CAMK1D: variants seen among roughly 807,000 people sequenced by gnomAD.
The protein encoded by CAMK1D is calcium/calmodulin-dependent protein kinase type 1D.
A neutral mutation model predicts 47.7 loss-of-function variants in CAMK1D; 9 were observed. That is an observed-to-expected ratio of 0.19 (90% CI 0.11 to 0.33). CAMK1D has a LOEUF of 0.33. CAMK1D is among the 10% of genes least tolerant of loss of function. The probability of loss-of-function intolerance (pLI) is 1.00; values close to 1 mark genes in which losing one functional copy is unlikely to be tolerated. For synonymous variants in CAMK1D, 184 were observed against 184.9 expected (o/e 0.99, Z 0.04); for missense variants, 291 against 488.7 (o/e 0.60, Z 3.81).
intron 1 of CAMK1D, among the ~76,000 whole-genome samples, chr10:12,463,097 A>G (rs1257126097): frequency 1.3e-5 from 2 of 148,730 alleles, no homozygotes; most frequent in African/African-American, 5.0e-5. Context: ...CTTATTTCCT[A>G]TTTGGCTTAG....
chr10:12,353,998 C>A (rs1837423945), intron 1 of CAMK1D, among the ~76,000 whole-genome samples: 2 of 152,072 alleles, frequency 1.3e-5, no homozygotes, highest in Non-Finnish European at 2.9e-5. Context: ...GGTGTGGTGT[C>A]TAGGAAGCAC....
At chr10:12,356,721 CAAAAAAAAAAAAAAA>C (rs71384311) in intron 1 of CAMK1D, among the ~76,000 whole-genome samples, 1 of 74,974 alleles carries the variant, frequency 1.3e-5, no homozygotes, top group Non-Finnish European at 2.6e-5. Flanking sequence ...GACTCCATTT[CAAAAAAAAAAAAAAA>C]AAAAAAAGAA....
intron 3 of CAMK1D, among the ~76,000 whole-genome samples, chr10:12,739,442 ATTTT>A (rs1186963710): frequency 2.3e-5 from 3 of 127,750 alleles, no homozygotes; most frequent in African/African-American, 6.0e-5. Context: ...CACCCGGCTA[ATTTT>A]TTTTTTTTTT....
chr10:12,816,316 C>G lies in CAMK1D; in HGVS notation c.821C>G (p.Ala274Gly). 1 of 1,613,322 alleles carries G rather than the reference C, an allele frequency of 6.2e-7. No individual in the cohort carries two copies. The highest frequency in any genetic ancestry group is 8.5e-7 in the Non-Finnish European group (1 of 1,179,578). Residue 274 changes from alanine to glycine, a missense_variant, in exon 8 of 11, where the codon GCT becomes GGT. Physicochemically the swap from Ala to Gly is moderately conservative, Grantham distance 60 (BLOSUM62 0). Transcript: ENST00000619168. The part of the protein sequence containing the change: ...PNKRYTCEQA[A>G]RHPWIAGDTA... ...AAAAGATACACGTGTGAGCAGGCAG[C>G]TCGGCACCCATGGTAAGGAAATGCA...
At chr10:12,699,085 G>T (rs914696190) in intron 3 of CAMK1D, among the ~76,000 whole-genome samples, 3 of 152,108 alleles carry the variant, frequency 2.0e-5, no homozygotes, top group African/African-American at 7.2e-5. Flanking sequence ...AATTGCCCTT[G>T]TGTGATGAGA....
chr10:12,803,374 G>C (rs915311977), intron 6 of CAMK1D, among the ~76,000 whole-genome samples: 1 of 152,176 alleles, frequency 6.6e-6, no homozygotes, highest in African/African-American at 2.4e-5. Flanking sequence ...CAACACCAGT[G>C]CCCTGTCAGT....
In CAMK1D at chr10:12,716,307, A is replaced by G. The variant is rs575385529; in HGVS notation, c.300-44641A>G. Among the ~76,000 whole-genome samples the G allele has an allele frequency of 2.2e-3, 333 of 152,208 alleles. 2 individuals are homozygous for G. Among genetic ancestry groups the G allele is most frequent in the Non-Finnish European group, 2.4e-3 (164 of 68,008 alleles). Reference sequence around the variant, plus strand: ...AGCACCCCTGGCTTCCACCCACTAGATGCCAGTAGCATCCCCGGTCTCCAA... The same window carrying G: ...AGCACCCCTGGCTTCCACCCACTAGGTGCCAGTAGCATCCCCGGTCTCCAA... On this transcript the variant is annotated intron_variant, in intron 3 of 10. Coordinates refer to ENST00000619168, the MANE Select transcript of CAMK1D (RefSeq NM_153498.4).
intron 2 of CAMK1D, among the ~76,000 whole-genome samples, chr10:12,597,802 C>G (rs1564435747): frequency 6.6e-6 from 1 of 152,186 alleles, no homozygotes; most frequent in African/African-American, 2.4e-5. Flanking sequence ...CCTGTATTTG[C>G]TGATGTGAGC....
chr10:12,628,100 A>G (rs552906568), intron 2 of CAMK1D, among the ~76,000 whole-genome samples: 71 of 152,190 alleles, frequency 4.7e-4, no homozygotes, highest in African/African-American at 1.7e-3. Context: ...CAAAAAACAA[A>G]AAACAAAACA....
chr10:12,766,788 C>T (rs531079093), intron 4 of CAMK1D, among the ~76,000 whole-genome samples: 19 of 152,020 alleles, frequency 1.2e-4, no homozygotes, highest in African/African-American at 3.4e-4. Flanking sequence ...ATCAGATACC[C>T]GTGGTGGGGG....
At chr10:12,710,672 C>T (rs1364846386) in intron 3 of CAMK1D, among the ~76,000 whole-genome samples, 1 of 152,122 alleles carries the variant, frequency 6.6e-6, no homozygotes, top group African/African-American at 2.4e-5. Context: ...TGCGATCCAA[C>T]CTTTCCCAGT....
chr10:12,666,683 CA>C, intron 2 of CAMK1D, 52 bp from the exon 3 acceptor site: 1 of 1,414,608 alleles, frequency 7.1e-7, no homozygotes, highest in Non-Finnish European at 9.9e-7. Context: ...TGTTTTGAAA[CA>C]TTTTCCTATC....
chr10:12,823,620 G>A (rs1304321635), intron 8 of CAMK1D, among the ~76,000 whole-genome samples: 1 of 151,766 alleles, frequency 6.6e-6, no homozygotes, highest in African/African-American at 2.4e-5. Context: ...TGGGATGGAG[G>A]GTACTGTCAG....
chr10:12,675,048 AAAG>A (rs1840761951), intron 3 of CAMK1D, among the ~76,000 whole-genome samples: 1 of 151,712 alleles, frequency 6.6e-6, no homozygotes, highest in African/African-American at 2.4e-5. Flanking sequence ...AAAAAAAAAA[AAAG>A]AACATTAGTC....
chr10:12,390,119 T>C lies in CAMK1D; in HGVS notation c.92+40209T>C, dbSNP rs555772443. Among the ~76,000 whole-genome samples the C allele has an allele frequency of 5.9e-5, 9 of 152,344 alleles. No individual in the cohort carries two copies. In the South Asian group the frequency reaches 1.9e-3, roughly 32 times the overall value. The stretch of plus-strand genomic sequence containing the variant: ...GTCCTGTGTCTCCCATATTTTTACC[T>C]TTTATAAAGCGCTTGTACTGCACGG... On this transcript the variant is annotated intron_variant, in intron 1 of 10. Coordinates refer to ENST00000619168, the MANE Select transcript of CAMK1D (RefSeq NM_153498.4).
intron 3 of CAMK1D, among the ~76,000 whole-genome samples, chr10:12,752,489 A>T (rs1197487148): frequency 1.3e-5 from 2 of 152,008 alleles, no homozygotes; most frequent in African/African-American, 4.8e-5. Flanking sequence ...CCTAATGGGG[A>T]CAAGGCACAC....
At chr10:12,398,843 G>GT (rs1200682453) in intron 1 of CAMK1D, among the ~76,000 whole-genome samples, 3 of 151,600 alleles carry the variant, frequency 2.0e-5, no homozygotes, top group Non-Finnish European at 4.4e-5. Flanking sequence ...ACTCATTGCT[G>GT]GGATAAGGAG....
rs190173142 is a variant in CAMK1D at position 12,642,324 on chromosome 10, G to A, written c.225-24412G>A. The stretch of plus-strand genomic sequence containing the variant: ...CACTTTCAGGGCCTGGCATGTAAGT[G>A]TTCAGTGGATGATTCTTGAATGAAT... On this transcript the variant is annotated intron_variant, in intron 2 of 10. Coordinates refer to ENST00000619168, the MANE Select transcript of CAMK1D (RefSeq NM_153498.4). Among the ~76,000 whole-genome samples, 154 of 152,314 alleles carry A rather than the reference G, an allele frequency of 1.0e-3. 1 individual carries two copies. Among genetic ancestry groups the A allele is most frequent in the Admixed American group, 8.0e-3 (122 of 15,302 alleles).
intron 1 of CAMK1D, among the ~76,000 whole-genome samples, chr10:12,401,225 TTA>T (rs1420842946): frequency 4.8e-5 from 2 of 41,426 alleles, no homozygotes; most frequent in African/African-American, 2.2e-4. Flanking sequence ...ATTATATATA[TTA>T]TATATATATT....
Sources: allele counts gnomAD v4.1 joint callset (sites outside exome capture counted in the v4.1 genomes callset), GRCh38; gene constraint gnomAD v4.1.1; transcripts MANE v1.5; gene names NCBI Gene and HGNC (gene_info 2026-07-23, HGNC 2026-07-21).